PDLIM5: variants seen among roughly 807,000 people sequenced by gnomAD.
PDLIM5 encodes PDZ and LIM domain protein 5.
Under a neutral mutation model 64.2 loss-of-function variants are expected in PDLIM5, and 34 were observed. The observed-to-expected ratio is 0.53, with a 90% confidence interval of 0.40 to 0.71. PDLIM5 has a LOEUF of 0.71. Among genes scored for constraint, PDLIM5 ranks in the 30% least tolerant of loss-of-function variants. The pLI is 0.00. For missense variants in PDLIM5, 683 were observed against 733.6 expected (o/e 0.93, Z 0.80); for synonymous variants, 253 against 269.1 (o/e 0.94, Z 0.59).
intron 2 of PDLIM5, among the ~76,000 whole-genome samples, chr4:94,470,847 T>C (rs1820475): frequency 0.38 from 58,276 of 152,060 alleles, 11,709 homozygotes; most frequent in Non-Finnish European, 0.45. Context: ...TAATAACATA[T>C]CCAAGAGTGG....
At chr4:94,565,757 C>T (rs890212424) in intron 3 of PDLIM5, among the ~76,000 whole-genome samples, 3 of 152,156 alleles carry the variant, frequency 2.0e-5, no homozygotes, top group Admixed American at 6.5e-5. Context: ...GAACAATGGA[C>T]TGAAACCTGT....
At chr4:94,635,300 T>A (rs1740470220) in intron 8 of PDLIM5, among the ~76,000 whole-genome samples, 1 of 152,220 alleles carries the variant, frequency 6.6e-6, no homozygotes, top group South Asian at 2.1e-4. Context: ...TGCTCAAGCC[T>A]TGAGTCAAGA....
intron 9 of PDLIM5, among the ~76,000 whole-genome samples, chr4:94,649,195 C>T (rs969296101): frequency 6.6e-6 from 1 of 151,982 alleles, no homozygotes; most frequent in Non-Finnish European, 1.5e-5. Flanking sequence ...AGGCTGGTCT[C>T]GAACTCCTGG....
chr4:94,525,780 G>C (rs754097299), intron 3 of PDLIM5, among the ~76,000 whole-genome samples: 1 of 152,114 alleles, frequency 6.6e-6, no homozygotes, highest in Non-Finnish European at 1.5e-5. Context: ...CAGTGGGACT[G>C]CTGAATCAAT....
At chr4:94,590,701 G>T (rs1325180917) in intron 7 of PDLIM5, among the ~76,000 whole-genome samples, 1 of 152,188 alleles carries the variant, frequency 6.6e-6, no homozygotes, top group Non-Finnish European at 1.5e-5. Flanking sequence ...GTGTGGAAAG[G>T]AGCATGGCAA....
intron 3 of PDLIM5, among the ~76,000 whole-genome samples, chr4:94,555,114 G>C (rs1733164823): frequency 6.6e-6 from 1 of 152,048 alleles, no homozygotes; most frequent in African/African-American, 2.4e-5. Flanking sequence ...GTGCAGTGGT[G>C]GTGATCTCTG....
At chr4:94,501,821 G>A (rs1415652626) in intron 2 of PDLIM5, among the ~76,000 whole-genome samples, 1 of 152,094 alleles carries the variant, frequency 6.6e-6, no homozygotes, top group Non-Finnish European at 1.5e-5. Context: ...GGCATACCAA[G>A]GAAGATCTTC....
At chr4:94,611,213 C>T in intron 7 of PDLIM5, 2 of 1,531,190 alleles carry the variant, frequency 1.3e-6, no homozygotes, top group Non-Finnish European at 1.7e-6. Context: ...ACTGTGGGAG[C>T]AGATATGGCA....
In PDLIM5 at chr4:94,654,519, AC is replaced by A; in HGVS notation, c.1344del (p.Cys449AlafsTer11). ...SWHPEEFNCA[H>X]CKNTMAYIGF... The stretch of plus-strand genomic sequence containing the variant: ...CACCCAGAAGAATTCAACTGCGCTC[AC>A]TGCAAAAATACAATGGCCTACATTG... On this transcript the variant is annotated frameshift_variant, in exon 10 of 13. Coordinates refer to ENST00000317968, the MANE Select transcript of PDLIM5 (RefSeq NM_006457.5). LOFTEE classifies it high-confidence loss of function. 1 of 1,612,438 alleles carries A rather than the reference AC, an allele frequency of 6.2e-7. No homozygotes were observed. The highest frequency in any genetic ancestry group is 8.5e-7 in the Non-Finnish European group (1 of 1,178,478).
At chr4:94,501,376 A>G (rs1007827652) in intron 2 of PDLIM5, among the ~76,000 whole-genome samples, 3 of 152,144 alleles carry the variant, frequency 2.0e-5, no homozygotes, top group Non-Finnish European at 2.9e-5. Flanking sequence ...GAGCTACTGT[A>G]CCCTGCCTAA....
intron 3 of PDLIM5, among the ~76,000 whole-genome samples, chr4:94,527,024 TGCGCCCGGCCTGAACA>T (rs1730425295): frequency 6.9e-6 from 1 of 144,766 alleles, no homozygotes. Context: ...CATGAGCCAT[TGCGCCCGGCCTGAACA>T]GCATTCTTTT....
intron 2 of PDLIM5, among the ~76,000 whole-genome samples, chr4:94,521,479 G>C (rs1219525333): frequency 6.6e-6 from 1 of 151,984 alleles, no homozygotes; most frequent in Non-Finnish European, 1.5e-5. Flanking sequence ...GGAAGAGGCA[G>C]AATCCATGTG....
chr4:94,466,239 A>T (rs1338495580), intron 2 of PDLIM5, among the ~76,000 whole-genome samples: 1 of 152,188 alleles, frequency 6.6e-6, no homozygotes, highest in East Asian at 1.9e-4. Flanking sequence ...AACTGTTGGT[A>T]TTATAGGCCT....
intron 7 of PDLIM5, among the ~76,000 whole-genome samples, chr4:94,601,195 A>G (rs1737461312): frequency 6.6e-6 from 1 of 152,194 alleles, no homozygotes; most frequent in Non-Finnish European, 1.5e-5. Context: ...AGATCGAGGT[A>G]CCTGTACACT....
At chr4:94,527,046 CTTTTTTTTTT>C (rs57625095) in intron 3 of PDLIM5, among the ~76,000 whole-genome samples, 7 of 57,812 alleles carry the variant, frequency 1.2e-4, no homozygotes, top group Non-Finnish European at 2.3e-4. Flanking sequence ...GAACAGCATT[CTTTTTTTTTT>C]TTTTTTTTTT....
intron 11 of PDLIM5, among the ~76,000 whole-genome samples, chr4:94,658,679 T>C (rs1282999050): frequency 6.6e-6 from 1 of 152,180 alleles, no homozygotes; most frequent in Non-Finnish European, 1.5e-5. Context: ...CTTTGCCCAC[T>C]CAGTATTCTC....
chr4:94,518,409 G>T (rs1264535646), intron 2 of PDLIM5, among the ~76,000 whole-genome samples: 2 of 152,072 alleles, frequency 1.3e-5, no homozygotes, highest in African/African-American at 2.4e-5. Context: ...TAAGTGTTCT[G>T]CTGTCTTGAG....
intron 2 of PDLIM5, among the ~76,000 whole-genome samples, chr4:94,478,841 G>T (rs1377065021): frequency 7.0e-6 from 1 of 143,438 alleles, no homozygotes; most frequent in East Asian, 2.0e-4. Context: ...TTATTTTTTT[G>T]GTTTAAATGA....
intron 3 of PDLIM5, among the ~76,000 whole-genome samples, chr4:94,539,849 A>AT (rs528973244): frequency 3.5e-4 from 53 of 152,206 alleles, no homozygotes; most frequent in African/African-American, 1.3e-3. Context: ...AAAAATACAG[A>AT]TTTTTTGAGG....
Sources: allele counts gnomAD v4.1 joint callset (sites outside exome capture counted in the v4.1 genomes callset), GRCh38; gene constraint gnomAD v4.1.1; transcripts MANE v1.5; gene names NCBI Gene and HGNC (gene_info 2026-07-23, HGNC 2026-07-21).